The following SLC25A25 variants were observed in gnomAD, a reference collection of about 807,000 sequenced individuals.
The protein encoded by SLC25A25 is mitochondrial adenyl nucleotide antiporter SLC25A25.
SLC25A25 carries 32 observed loss-of-function variants against 57.7 expected under a neutral mutation model. The ratio of observed to expected loss-of-function variants is 0.55; its 90% CI spans 0.42 to 0.74. SLC25A25 has a LOEUF of 0.74. Among genes scored for constraint, SLC25A25 ranks in the 30% least tolerant of loss-of-function variants. The pLI is 0.00. For missense variants in SLC25A25, 556 were observed against 701.3 expected, an observed-to-expected ratio of 0.79 and a Z score of 2.34; for synonymous variants, 306 against 291.2, an observed-to-expected ratio of 1.05 and a Z score of -0.52.
chr9:128,072,400 A>G (rs964106203), intron 1 of SLC25A25, among the ~76,000 whole-genome samples: 16 of 152,238 alleles, frequency 1.1e-4, no homozygotes, highest in Middle Eastern at 3.2e-3. Flanking sequence ...CCTATGGCCC[A>G]TATGAAACCA....
rs912290081 is a variant in SLC25A25, at chr9:128,101,143, T to G, written c.309T>G (p.Phe103Leu). ...AGGACCTTGATGGGCAGCTAGACTT[T>G]GAAGAATTTGTCCATTATCTCCAAG... ...GDKDLDGQLDFEEFVHYLQDH... is the reference protein window; with the variant it reads ...GDKDLDGQLDLEEFVHYLQDH... The change falls in exon 2 of 11, where the codon TTT (phenylalanine) becomes TTG (leucine). Residue 103 changes from phenylalanine (F) to leucine (L), a missense_variant. Phe to Leu is a conservative substitution (Grantham distance 22, BLOSUM62 0). Transcript: ENST00000373069. This position sits in a 1 kb window ranked among gnomAD's most constrained non-coding sequence, Gnocchi z 4.9. The G allele has an allele frequency of 6.2e-7, 1 of 1,614,150 alleles. No individual in the cohort carries two copies. The highest frequency in any genetic ancestry group is 1.3e-5 in the African/African-American group (1 of 74,950).
At position 128,099,397 on chromosome 9, in the gene SLC25A25, C is replaced by G. The variant is rs958368577; in HGVS notation, c.262-1699C>G. 5 of 1,171,830 alleles carry G rather than the reference C, an allele frequency of 4.3e-6. No individual in the cohort carries two copies. The African/African-American group carries it at 8.4e-5, about 20-fold the overall frequency. 72.6% of individuals were successfully genotyped at this position (1,171,830 alleles called of 1,614,324 possible). ...TGAAGCCAGCTGCGGTGAGCACACC[C>G]TCTGCTCTGGGTGTCTGCGACAGCA... On this transcript the variant is annotated intron_variant, in intron 1 of 10. Coordinates refer to ENST00000373069, the MANE Select transcript of SLC25A25 (RefSeq NM_001330988.2). This position sits in a 1 kb window ranked among gnomAD's most constrained non-coding sequence, Gnocchi z 6.8.
chr9:128,090,010 G>A (rs890064580), intron 1 of SLC25A25, among the ~76,000 whole-genome samples: 3 of 151,920 alleles, frequency 2.0e-5, no homozygotes, highest in African/African-American at 2.4e-5. Context: ...GTTCAGTTTC[G>A]CAAGATATAA....
At chr9:128,097,077 G>A (rs1833582064) in intron 1 of SLC25A25, among the ~76,000 whole-genome samples, 2 of 152,236 alleles carry the variant, frequency 1.3e-5, no homozygotes, top group African/African-American at 4.8e-5. Context: ...GCGTTTTAGT[G>A]CATTAAAAAG....
In SLC25A25 at chr9:128,095,112, T is replaced by C. The variant is rs1833521143; in HGVS notation, c.262-5984T>C. ...CATAATCTAGTTCTCACAGAGGCAT[T>C]CAGAAGCTGTGACACAAACACCGTT... is the stretch of plus-strand genomic sequence containing the variant. On this transcript the variant is annotated intron_variant, in intron 1 of 10. Coordinates refer to ENST00000373069, the MANE Select transcript of SLC25A25 (RefSeq NM_001330988.2). This position sits in a 1 kb window ranked among gnomAD's most constrained non-coding sequence, Gnocchi z 4.4. Among the ~76,000 whole-genome samples, 1 of 152,208 alleles carries C rather than the reference T, an allele frequency of 6.6e-6. No individual in the cohort carries two copies. Among genetic ancestry groups the C allele is most frequent in the South Asian group, 2.1e-4 (1 of 4,832 alleles).
chr9:128,082,951 C>T (rs536637942), intron 1 of SLC25A25, among the ~76,000 whole-genome samples: 6 of 151,860 alleles, frequency 4.0e-5, no homozygotes, highest in Non-Finnish European at 5.9e-5. Context: ...TGTTTGAGGC[C>T]GGGCGCAGTG....
intron 1 of SLC25A25, among the ~76,000 whole-genome samples, chr9:128,089,615 T>G (rs1299245023): frequency 6.7e-6 from 1 of 149,266 alleles, no homozygotes; most frequent in Non-Finnish European, 1.5e-5. Flanking sequence ...TCAACCATCT[T>G]ACTTTCTCTC....
At position 128,108,382 on chromosome 9, in the gene SLC25A25, G is replaced by A. The variant is rs1257451973; in HGVS notation, c.*938G>A. ...AATGAGCGACTTCTGTGCTTCCAGA[G>A]GAAGACGAGGGAGCAGGAGCTTGGC... is the stretch of plus-strand genomic sequence containing the variant. On this transcript the variant is annotated 3_prime_UTR_variant, in exon 11 of 11. Transcript: ENST00000373069. 2.5e-6 allele frequency: 1 copy of A among 397,862 alleles called. No individual in the cohort carries two copies. The highest frequency in any genetic ancestry group is 4.4e-6 in the Non-Finnish European group (1 of 225,798). 24.6% of individuals were successfully genotyped at this position (397,862 alleles called of 1,614,324 possible). A position where few individuals can be genotyped will look rare whatever the true frequency, so the allele number is the denominator to read the frequency against.
At chr9:128,097,807 T>C (rs1891408) in intron 1 of SLC25A25, among the ~76,000 whole-genome samples, 19,466 of 152,224 alleles carry the variant, frequency 0.13, 1,349 homozygotes, top group South Asian at 0.22. Flanking sequence ...ACTCTGGGGC[T>C]CCTAGGTGAA....
rs1564191950 is a variant in SLC25A25 at position 128,101,431 on chromosome 9, GTGTGA to G, written c.476+38_476+42del. 1 of 1,607,556 alleles carries G rather than the reference GTGTGA, an allele frequency of 6.2e-7. No individual in the cohort carries two copies. Among genetic ancestry groups the G allele is most frequent in the Admixed American group, 1.7e-5 (1 of 59,748 alleles). On this transcript the variant is annotated intron_variant, in intron 3 of 10. Transcript: ENST00000373069. This position sits in a 1 kb window ranked among gnomAD's most constrained non-coding sequence, Gnocchi z 4.9. Reference sequence around the variant, plus strand: ...CAGCCAGCCTCTGTGTTTGGTTTAAGTGTGATGAAGGGAAGGCTCTGAGACTAACC... The same window carrying G: ...CAGCCAGCCTCTGTGTTTGGTTTAAGTGAAGGGAAGGCTCTGAGACTAACC...
Position 128,102,502 on chromosome 9 carries a change from G to A in SLC25A25, c.624+21G>A, listed in dbSNP as rs1465614767. On this transcript the variant is annotated intron_variant, in intron 5 of 10. Transcript: ENST00000373069. This position sits in a 1 kb window ranked among gnomAD's most constrained non-coding sequence, Gnocchi z 4.1. ...CCACGGTGAGCCCCACGTGCCCAGG[G>A]CCCTCATCTGCTCCCAGGGACCCTT... 1.9e-6 allele frequency: 3 copies of A among 1,587,810 alleles called. No individual in the cohort carries two copies. Among genetic ancestry groups the A allele is most frequent in the Admixed American group, 1.7e-5 (1 of 59,524 alleles).
chr9:128,085,852 A>G (rs1176004627), intron 1 of SLC25A25, among the ~76,000 whole-genome samples: 1 of 152,072 alleles, frequency 6.6e-6, no homozygotes, highest in African/African-American at 2.4e-5. Flanking sequence ...TTAATTTCCA[A>G]ATATTTAGGT....
Position 128,084,363 on chromosome 9 carries a change from C to A in SLC25A25, c.261+15783C>A, listed in dbSNP as rs537663290. The stretch of plus-strand genomic sequence containing the variant: ...GCAACCTCCGCCTCCTGGGTTCAAG[C>A]GATTCTCCTGCTTCAGCCTCCCGAG... On this transcript the variant is annotated intron_variant, in intron 1 of 10. Transcript: ENST00000373069. Among the ~76,000 whole-genome samples the A allele has an allele frequency of 1.1e-4, 17 of 151,838 alleles. No individual in the cohort carries two copies. In the East Asian group the frequency reaches 2.7e-3, roughly 24 times the overall value.
Position 128,101,498 on chromosome 9 carries a change from CCTT to C in SLC25A25, c.476+105_476+107del. On this transcript the variant is annotated intron_variant, in intron 3 of 10. Transcript: ENST00000373069. The surrounding 1 kb of genome is among the most constrained non-coding windows in gnomAD (Gnocchi z 4.9). ...TTCCCTGGGCTGACCCTGAACTTGG[CCTT>C]CTCGTGGTTTGAAAGGATGAATAAG... The C allele has an allele frequency of 2.2e-6, 3 of 1,362,116 alleles. No homozygotes were observed. Among genetic ancestry groups the C allele is most frequent in the Non-Finnish European group, 2.0e-6 (2 of 983,680 alleles). 84.4% of individuals were successfully genotyped at this position (1,362,116 alleles called of 1,614,324 possible). A position where few individuals can be genotyped will look rare whatever the true frequency, so the allele number is the denominator to read the frequency against.
Position 128,103,652 on chromosome 9 carries a change from A to G in SLC25A25, c.625-29A>G. 1 of 1,614,040 alleles carries G rather than the reference A, an allele frequency of 6.2e-7. No individual in the cohort carries two copies. ...CAGCAGCCTTGCCCCAAGGGTCCTGAGTCAGGCTTGTGCCATCTTTCCTCA... is the reference window on the plus strand; with the variant it reads ...CAGCAGCCTTGCCCCAAGGGTCCTGGGTCAGGCTTGTGCCATCTTTCCTCA... On this transcript the variant is annotated intron_variant, in intron 5 of 10. Coordinates refer to ENST00000373069, the MANE Select transcript of SLC25A25 (RefSeq NM_001330988.2). The surrounding 1 kb of genome is among the most constrained non-coding windows in gnomAD (Gnocchi z 6.7).
intron 1 of SLC25A25, among the ~76,000 whole-genome samples, chr9:128,093,923 A>G (rs920772377): frequency 1.3e-5 from 2 of 152,154 alleles, no homozygotes; most frequent in Non-Finnish European, 2.9e-5. Flanking sequence ...TCTGAGGTGG[A>G]CAGATCACGA....
intron 1 of SLC25A25, among the ~76,000 whole-genome samples, chr9:128,090,198 A>G (rs1288507474): frequency 2.6e-5 from 4 of 152,178 alleles, no homozygotes; most frequent in South Asian, 2.1e-4. Flanking sequence ...TTTGTCATTT[A>G]ACAAGTTGGT....
chr9:128,093,048 TGC>T (rs779803071), intron 1 of SLC25A25, among the ~76,000 whole-genome samples: 31 of 152,262 alleles, frequency 2.0e-4, no homozygotes, highest in Non-Finnish European at 4.3e-4. Flanking sequence ...AAGGAGATTC[TGC>T]CCGTTTGGCA....
chr9:128,105,515 G>A (rs1833987701), intron 6 of SLC25A25, among the ~76,000 whole-genome samples: 1 of 152,138 alleles, frequency 6.6e-6, no homozygotes, highest in South Asian at 2.1e-4. Flanking sequence ...TTCAGGACAA[G>A]GCTGGCAACC....
Sources: allele counts gnomAD v4.1 joint callset (sites outside exome capture counted in the v4.1 genomes callset), GRCh38; gene constraint gnomAD v4.1.1; non-coding constraint Gnocchi (gnomAD v3.1); transcripts MANE v1.5; gene names NCBI Gene and HGNC (gene_info 2026-07-23, HGNC 2026-07-21).